The following WWOX variants were observed in gnomAD, a reference collection of about 807,000 sequenced individuals.
WWOX encodes the protein WW domain containing oxidoreductase.
In WWOX, 69 loss-of-function variants were observed where a neutral mutation model predicts 46.2. That is an observed-to-expected ratio of 1.49 (90% CI 1.23 to 1.82). WWOX has a LOEUF of 1.82. WWOX is among the 40% of genes most tolerant of loss of function. The pLI, the probability that WWOX is intolerant of heterozygous loss-of-function variation, is 0.00. For synonymous variants in WWOX, 359 were observed against 202.6 expected, an observed-to-expected ratio of 1.77 and a Z score of -6.56; for missense variants, 919 against 542.6, an observed-to-expected ratio of 1.69 and a Z score of -6.89.
intron 8 of WWOX, among the ~76,000 whole-genome samples, chr16:79,183,225 G>A (rs1353277960): frequency 6.6e-6 from 1 of 152,224 alleles, no homozygotes; most frequent in East Asian, 1.9e-4. Context: ...TGACCAGCTA[G>A]ACTCTTTTCC....
At chr16:78,614,049 T>A (rs1390349989) in intron 8 of WWOX, among the ~76,000 whole-genome samples, 1 of 152,210 alleles carries the variant, frequency 6.6e-6, no homozygotes, top group Non-Finnish European at 1.5e-5. Flanking sequence ...TATCTGGCTC[T>A]TTGCAGAAAA....
intron 8 of WWOX, among the ~76,000 whole-genome samples, chr16:78,786,737 A>G (rs751244509): frequency 3.9e-5 from 6 of 152,204 alleles, no homozygotes; most frequent in African/African-American, 1.4e-4. Context: ...GTTTCCTTTA[A>G]AGAGCTTATC....
chr16:78,624,518 A>C (rs1319069137), intron 8 of WWOX, among the ~76,000 whole-genome samples: 3 of 152,204 alleles, frequency 2.0e-5, no homozygotes, highest in African/African-American at 7.2e-5. Flanking sequence ...CAATATCTTT[A>C]ATAGCTTCTG....
intron 8 of WWOX, among the ~76,000 whole-genome samples, chr16:79,161,182 C>A (rs969311839): frequency 2.0e-5 from 3 of 152,160 alleles, no homozygotes; most frequent in Non-Finnish European, 4.4e-5. Context: ...AAGACAAGTA[C>A]CAATATATTT....
intron 8 of WWOX, among the ~76,000 whole-genome samples, chr16:78,701,719 T>A (rs1387933391): frequency 6.6e-6 from 1 of 151,886 alleles, no homozygotes; most frequent in African/African-American, 2.4e-5. Flanking sequence ...CCCTCAAAGC[T>A]GGGAAGCTGC....
chr16:79,121,207 G>T (rs576941990), intron 8 of WWOX, among the ~76,000 whole-genome samples: 1 of 152,168 alleles, frequency 6.6e-6, no homozygotes, highest in Non-Finnish European at 1.5e-5. Context: ...CAGGTTCCGG[G>T]GAGTTGACAT....
intron 8 of WWOX, among the ~76,000 whole-genome samples, chr16:78,994,934 C>CTT (rs796686042): frequency 1.5e-5 from 2 of 135,982 alleles, no homozygotes; most frequent in Non-Finnish European, 3.2e-5. Flanking sequence ...AGGTGCAAGC[C>CTT]TTTTTTTTTT....
Position 78,115,134 on chromosome 16 carries a change from C to G in WWOX, c.389C>G (p.Thr130Ser). Residue 130 changes from threonine to serine, a missense_variant, in exon 4 of 9, where the codon ACT becomes AGT. Physicochemically the swap from Thr to Ser is moderately conservative, Grantham distance 58. Transcript: ENST00000566780. ...RDFTGKVVVVTGANSGIGFET... is the reference protein window; with the variant it reads ...RDFTGKVVVVSGANSGIGFET... ...TTCACTGGCAAAGTGGTTGTGGTCA[C>G]TGGAGCTAATTCAGGAATAGGTAGG... is the stretch of plus-strand genomic sequence containing the variant. 2 of 1,614,210 alleles carry G rather than the reference C, an allele frequency of 1.2e-6. No homozygotes were observed. The highest frequency in any genetic ancestry group is 1.7e-6 in the Non-Finnish European group (2 of 1,180,018).
chr16:78,327,667 G>A (rs989524008), intron 5 of WWOX, among the ~76,000 whole-genome samples: 2 of 151,996 alleles, frequency 1.3e-5, no homozygotes, highest in African/African-American at 4.8e-5. Context: ...TTTTTAAAGA[G>A]TGATCTTTGG....
chr16:78,398,928 C>G (rs929657311), intron 6 of WWOX, among the ~76,000 whole-genome samples: 1 of 152,178 alleles, frequency 6.6e-6, no homozygotes, highest in East Asian at 1.9e-4. Flanking sequence ...TTACTGCCTT[C>G]TAGTACAAGG....
At chr16:79,155,200 AC>A (rs1462213720) in intron 8 of WWOX, among the ~76,000 whole-genome samples, 5 of 152,178 alleles carry the variant, frequency 3.3e-5, no homozygotes, top group Middle Eastern at 3.4e-3. Flanking sequence ...ACATGGTGAA[AC>A]CCCATCTCTC....
intron 8 of WWOX, among the ~76,000 whole-genome samples, chr16:78,768,354 C>T (rs997881241): frequency 6.9e-6 from 1 of 145,680 alleles, no homozygotes; most frequent in African/African-American, 2.5e-5. Context: ...CTTTGGGAGG[C>T]TGAGGTGGGC....
chr16:78,805,457 A>G (rs1567572653), intron 8 of WWOX, among the ~76,000 whole-genome samples: 1 of 150,202 alleles, frequency 6.7e-6, no homozygotes, highest in African/African-American at 2.5e-5. Context: ...TGTATTTTTC[A>G]TATTTTTCGT....
intron 8 of WWOX, among the ~76,000 whole-genome samples, chr16:78,614,379 A>T (rs11861706): frequency 6.6e-6 from 1 of 152,200 alleles, no homozygotes; most frequent in Non-Finnish European, 1.5e-5. Context: ...CATATCTTCA[A>T]TGCATCATTT....
At chr16:78,983,620 G>A (rs151042802) in intron 8 of WWOX, among the ~76,000 whole-genome samples, 1 of 152,094 alleles carries the variant, frequency 6.6e-6, no homozygotes, top group Non-Finnish European at 1.5e-5. Context: ...AGACTCTCCT[G>A]GTGTTAGATT....
chr16:78,627,026 T>C (rs1295360158), intron 8 of WWOX, among the ~76,000 whole-genome samples: 1 of 152,110 alleles, frequency 6.6e-6, no homozygotes, highest in African/African-American at 2.4e-5. Context: ...TTTTTGTGCC[T>C]CCTCTTCCCT....
At chr16:79,053,921 G>T (rs549101035) in intron 8 of WWOX, among the ~76,000 whole-genome samples, 1 of 151,928 alleles carries the variant, frequency 6.6e-6, no homozygotes, top group African/African-American at 2.4e-5. Context: ...GAGAGCTTTC[G>T]AAGAATCTGT....
At chr16:78,667,199 C>G (rs1027985785) in intron 8 of WWOX, among the ~76,000 whole-genome samples, 5 of 152,164 alleles carry the variant, frequency 3.3e-5, no homozygotes, top group African/African-American at 1.2e-4. Flanking sequence ...GTGAACATGT[C>G]TGCAACTCTT....
chr16:78,633,793 C>G (rs570172589), intron 8 of WWOX, among the ~76,000 whole-genome samples: 1 of 152,190 alleles, frequency 6.6e-6, no homozygotes, highest in Non-Finnish European at 1.5e-5. Context: ...TGCGGTGCAA[C>G]CCGGGCTGTG....
Sources: allele counts gnomAD v4.1 joint callset (sites outside exome capture counted in the v4.1 genomes callset), GRCh38; gene constraint gnomAD v4.1.1; transcripts MANE v1.5; gene names NCBI Gene and HGNC (gene_info 2026-07-23, HGNC 2026-07-21).